The following PLEKHA6 variants were observed in gnomAD, a reference collection of about 807,000 sequenced individuals.
The protein encoded by PLEKHA6 is pleckstrin homology domain containing A6, also known as pleckstrin homology domain-containing family A member 6.
Under a neutral mutation model 116.7 loss-of-function variants are expected in PLEKHA6, and 60 were observed. That is an observed-to-expected ratio of 0.51 (90% CI 0.42 to 0.64). The LOEUF (loss-of-function observed/expected upper bound fraction) is 0.64. Among genes scored for constraint, PLEKHA6 ranks in the 30% least tolerant of loss-of-function variants. The probability of loss-of-function intolerance (pLI) is 0.00; values close to 1 mark genes in which losing one functional copy is unlikely to be tolerated. For missense variants in PLEKHA6, 1,338 were observed against 1,422.7 expected (o/e 0.94, Z 0.96); for synonymous variants, 489 against 556.1 (o/e 0.88, Z 1.70).
chr1:204,228,617 T>C lies in PLEKHA6; in HGVS notation c.2885+111A>G. On this transcript the variant is annotated intron_variant, in intron 20 of 22. Transcript: ENST00000272203. This position sits in a 1 kb window ranked among gnomAD's most constrained non-coding sequence, Gnocchi z 4.0. ...CTGTCTGCTGCCTGGAGTCACCACC[T>C]CGATGTGCTCTCCCCTGGGGAGGCT... 2 of 984,632 alleles carry C rather than the reference T, an allele frequency of 2.0e-6. No homozygotes were observed. The highest frequency in any genetic ancestry group is 3.2e-6 in the Non-Finnish European group (2 of 632,610). The allele number at this position is 984,632 out of a possible 1,614,324, so 61.0% of individuals were successfully genotyped here.
At position 204,333,832 on chromosome 1, in the gene PLEKHA6, G is replaced by A. The variant is rs186953623; in HGVS notation, c.-95+25862C>T. 6.6e-5 allele frequency among the ~76,000 whole-genome samples: 10 copies of A among 152,274 alleles called. No individual in the cohort carries two copies. In the East Asian group the frequency reaches 7.7e-4, roughly 12 times the overall value. On this transcript the variant is annotated intron_variant, in intron 1 of 22. Coordinates refer to ENST00000272203, the MANE Select transcript of PLEKHA6 (RefSeq NM_014935.5). Reference sequence around the variant, plus strand: ...GCAGTTAGCAACCCACTTCCAGACCGGGCAAGTTCAGTGGCTTCAGTCCAA... The same window carrying A: ...GCAGTTAGCAACCCACTTCCAGACCAGGCAAGTTCAGTGGCTTCAGTCCAA...
chr1:204,305,337 C>T lies in PLEKHA6; in HGVS notation c.-94-30528G>A, dbSNP rs114817681. Among the ~76,000 whole-genome samples the T allele has an allele frequency of 2.6e-3, 398 of 152,282 alleles. 1 individual carries two copies. Among genetic ancestry groups the T allele is most frequent in the African/African-American group, 9.0e-3 (374 of 41,544 alleles). On this transcript the variant is annotated intron_variant, in intron 1 of 22. Coordinates refer to ENST00000272203, the MANE Select transcript of PLEKHA6 (RefSeq NM_014935.5). ...GTAGAGGGAGGTGCATGCAGTACTG[C>T]GGCACGCTGGATTAGGAGTTGGATT...
intron 6 of PLEKHA6, among the ~76,000 whole-genome samples, chr1:204,262,697 C>A (rs773615534): frequency 1.3e-5 from 2 of 152,180 alleles, no homozygotes; most frequent in South Asian, 2.1e-4. Context: ...TCGCCTCCAC[C>A]TGTCCCCAGC....
intron 1 of PLEKHA6, chr1:204,307,861 T>C (rs1290454138): frequency 3.0e-6 from 3 of 985,216 alleles, no homozygotes; most frequent in Admixed American, 1.2e-4. Context: ...GCAGTTCAAG[T>C]CCAGGTGCTT....
At chr1:204,309,152 G>A (rs908822958) in intron 1 of PLEKHA6, 31 of 612,712 alleles carry the variant, frequency 5.1e-5, no homozygotes, top group Middle Eastern at 8.1e-4. Flanking sequence ...AATATTTGAC[G>A]TGCAGGCTGA....
chr1:204,324,098 C>T (rs958572080), intron 1 of PLEKHA6, among the ~76,000 whole-genome samples: 6 of 152,142 alleles, frequency 3.9e-5, no homozygotes, highest in Non-Finnish European at 8.8e-5. Context: ...GCATGAGTCA[C>T]TCCTAGCTAT....
chr1:204,287,605 A>G (rs1303467755), intron 1 of PLEKHA6, among the ~76,000 whole-genome samples: 2 of 151,942 alleles, frequency 1.3e-5, no homozygotes, highest in African/African-American at 4.8e-5. Flanking sequence ...CTTACCCTAC[A>G]TCTCACCACA....
chr1:204,255,738 A>G, intron 9 of PLEKHA6: 1 of 698,046 alleles, frequency 1.4e-6, no homozygotes, highest in Non-Finnish European at 2.6e-6. Flanking sequence ...GGAACACACA[A>G]AAGAAAACAA....
At chr1:204,242,947 A>G (rs968833493) in intron 15 of PLEKHA6, among the ~76,000 whole-genome samples, 2 of 152,250 alleles carry the variant, frequency 1.3e-5, no homozygotes, top group Admixed American at 6.5e-5. Flanking sequence ...GATGGCTTCA[A>G]CTATCCTTTC....
At chr1:204,371,441 A>T (rs992836749) in intron 2 of PLEKHA6, 5 of 152,288 alleles carry the variant, frequency 3.3e-5, no homozygotes, top group Non-Finnish European at 7.3e-5. Context: ...AAAAAGTCAG[A>T]AGCAAAGTTG....
chr1:204,338,613 G>A (rs114228271), intron 1 of PLEKHA6, among the ~76,000 whole-genome samples: 183 of 152,284 alleles, frequency 1.2e-3, no homozygotes, highest in African/African-American at 4.4e-3. Flanking sequence ...AACCTAGCAA[G>A]CCAAGCCCAT....
intron 1 of PLEKHA6, among the ~76,000 whole-genome samples, chr1:204,291,846 T>A (rs141054897): frequency 4.1e-4 from 63 of 152,368 alleles, no homozygotes; most frequent in African/African-American, 1.2e-3. Context: ...TTATCTCAAT[T>A]GTGTTTATGG....
intron 13 of PLEKHA6, among the ~76,000 whole-genome samples, chr1:204,246,586 C>T (rs1663720647): frequency 6.6e-6 from 1 of 152,104 alleles, no homozygotes; most frequent in Non-Finnish European, 1.5e-5. Flanking sequence ...TGGGGGAAAC[C>T]AGGGTGTTAA....
At chr1:204,285,570 A>G (rs1572065902) in intron 1 of PLEKHA6, among the ~76,000 whole-genome samples, 1 of 151,688 alleles carries the variant, frequency 6.6e-6, no homozygotes. Flanking sequence ...CCGCTCCCTG[A>G]GCTCAAGCAA....
intron 1 of PLEKHA6, among the ~76,000 whole-genome samples, chr1:204,313,101 C>CTCCTTCCT (rs1256795682): frequency 1.7e-5 from 2 of 118,874 alleles, no homozygotes; most frequent in African/African-American, 3.2e-5. Flanking sequence ...CCCTCCTTCC[C>CTCCTTCCT]TCCTTCCTTC....
chr1:204,274,873 G>C lies in PLEKHA6; in HGVS notation c.-94-64C>G, dbSNP rs990883042. The C allele has an allele frequency of 5.1e-6, 5 of 985,468 alleles. No individual in the cohort carries two copies. The African/African-American group carries it at 8.8e-5, about 17-fold the overall frequency. The allele number at this position is 985,468 out of a possible 1,614,324, so 61.0% of individuals were successfully genotyped here. On this transcript the variant is annotated intron_variant, in intron 1 of 22. Transcript: ENST00000272203. ...AGAAGGCAGAGACAAAAGCCAATGCGTGGACAGACCCTGGGTGGTGACAGG... is the reference window on the plus strand; with the variant it reads ...AGAAGGCAGAGACAAAAGCCAATGCCTGGACAGACCCTGGGTGGTGACAGG...
At chr1:204,308,799 C>T (rs1469039260) in intron 1 of PLEKHA6, among the ~76,000 whole-genome samples, 2 of 150,038 alleles carry the variant, frequency 1.3e-5, no homozygotes, top group Non-Finnish European at 3.0e-5. Context: ...CGCCATTCTC[C>T]TCCCTCAGCC....
At chr1:204,262,593 G>A (rs1433199615) in intron 6 of PLEKHA6, among the ~76,000 whole-genome samples, 1 of 152,100 alleles carries the variant, frequency 6.6e-6, no homozygotes, top group Non-Finnish European at 1.5e-5. Flanking sequence ...GGGTCTCTGG[G>A]GGTTGAGATA....
At chr1:204,343,694 A>G (rs1319373121) in intron 1 of PLEKHA6, among the ~76,000 whole-genome samples, 1 of 152,212 alleles carries the variant, frequency 6.6e-6, no homozygotes, top group Non-Finnish European at 1.5e-5. Context: ...GTCTATAACA[A>G]TAGAAAAAAC....
Sources: allele counts gnomAD v4.1 joint callset (sites outside exome capture counted in the v4.1 genomes callset), GRCh38; gene constraint gnomAD v4.1.1; non-coding constraint Gnocchi (gnomAD v3.1); transcripts MANE v1.5; gene names NCBI Gene and HGNC (gene_info 2026-07-23, HGNC 2026-07-21).